The following TBXAS1 variants were observed in gnomAD, a reference collection of about 807,000 sequenced individuals.
The protein encoded by TBXAS1 is thromboxane-A synthase.
Under a neutral mutation model 60.7 loss-of-function variants are expected in TBXAS1, and 48 were observed. That is an observed-to-expected ratio of 0.79 (90% CI 0.63 to 1.01). TBXAS1 has a LOEUF of 1.01. TBXAS1 is among the 50% of genes least tolerant of loss of function. The pLI, the probability that TBXAS1 is intolerant of heterozygous loss-of-function variation, is 0.00. For missense variants in TBXAS1, 685 were observed against 686.3 expected (o/e 1.00, Z 0.02); for synonymous variants, 287 against 269.7 (o/e 1.06, Z -0.63).
chr7:139,876,900 G>T (rs1182534212), intron 3 of TBXAS1, among the ~76,000 whole-genome samples: 1 of 152,142 alleles, frequency 6.6e-6, no homozygotes, highest in African/African-American at 2.4e-5. Flanking sequence ...GTATCTGCTG[G>T]GGAGGACCTC....
intron 9 of TBXAS1, among the ~76,000 whole-genome samples, chr7:139,986,346 G>A (rs879328707): frequency 2.0e-5 from 3 of 152,142 alleles, no homozygotes; most frequent in Non-Finnish European, 4.4e-5. Flanking sequence ...AACTTGGGCA[G>A]TCTGACTCCC....
rs1251359184 is a variant in TBXAS1, at chr7:140,011,338, A to C, written c.1226+4156A>C. ...TCCCCTAAACAATGAAGAATAAAAA[A>C]AAAAGAAAAAAAAGGCCCCCTGCCA... On this transcript the variant is annotated intron_variant, in intron 10 of 12. Coordinates refer to ENST00000448866, the MANE Select transcript of TBXAS1 (RefSeq NM_001061.7). Among the ~76,000 whole-genome samples, 3 of 9,524 alleles carry C rather than the reference A, an allele frequency of 3.1e-4. No homozygotes were observed. In the Admixed American group the frequency reaches 4.4e-3, roughly 14 times the overall value. 6.2% of individuals were successfully genotyped at this position (9,524 alleles called of 152,430 possible).
At chr7:139,895,624 G>C (rs1014857444) in intron 3 of TBXAS1, among the ~76,000 whole-genome samples, 2 of 152,242 alleles carry the variant, frequency 1.3e-5, no homozygotes, top group Non-Finnish European at 2.9e-5. Flanking sequence ...CCACAGTCTC[G>C]GCTGCTGGAC....
intron 9 of TBXAS1, among the ~76,000 whole-genome samples, chr7:139,997,045 A>G (rs1813348835): frequency 6.6e-6 from 1 of 152,116 alleles, no homozygotes; most frequent in Non-Finnish European, 1.5e-5. Context: ...TGTTATCTTG[A>G]CTCATCAAAA....
At chr7:139,900,656 AGGAAAGTTT>A (rs1209505028) in intron 3 of TBXAS1, among the ~76,000 whole-genome samples, 1 of 152,206 alleles carries the variant, frequency 6.6e-6, no homozygotes, top group Non-Finnish European at 1.5e-5. Flanking sequence ...GAGCTGCAGG[AGGAAAGTTT>A]GGACTCTATA....
intron 1 of TBXAS1, among the ~76,000 whole-genome samples, chr7:139,867,156 G>A (rs1406597334): frequency 6.6e-6 from 1 of 152,220 alleles, no homozygotes; most frequent in Admixed American, 6.5e-5. Context: ...GGGTTACCTG[G>A]CACCGCTGGG....
At chr7:139,901,387 A>AT (rs1267318034) in intron 3 of TBXAS1, among the ~76,000 whole-genome samples, 1 of 150,678 alleles carries the variant, frequency 6.6e-6, no homozygotes, top group African/African-American at 2.5e-5. Context: ...GACAACTTTC[A>AT]TTTGAAAGTA....
chr7:139,921,281 A>C lies in TBXAS1; in HGVS notation c.333+9960A>C, dbSNP rs75723412. On this transcript the variant is annotated intron_variant, in intron 4 of 12. Transcript: ENST00000448866. ...AGAGGAAACCACTCCTCTGACATCA[A>C]TTTGTATAGATTTCTCTTTTCCTGC... is the stretch of plus-strand genomic sequence containing the variant. 4.4e-3 allele frequency among the ~76,000 whole-genome samples: 667 copies of C among 152,218 alleles called. 5 individuals are homozygous for C. Among genetic ancestry groups the C allele is most frequent in the African/African-American group, 0.015 (638 of 41,544 alleles).
chr7:139,906,346 A>G (rs1805081895), intron 3 of TBXAS1: 1 of 158,328 alleles, frequency 6.3e-6, no homozygotes. Flanking sequence ...GCGATCCACT[A>G]TGCCTGGCCT....
At chr7:139,990,940 G>GA (rs1217305867) in intron 9 of TBXAS1, among the ~76,000 whole-genome samples, 5 of 152,122 alleles carry the variant, frequency 3.3e-5, no homozygotes, top group Non-Finnish European at 7.3e-5. Flanking sequence ...CAGGCACGGG[G>GA]GCACAGAGGC....
intron 12 of TBXAS1, 63 bp from the exon 13 acceptor site, chr7:140,019,962 C>T: frequency 2.0e-6 from 3 of 1,531,604 alleles, no homozygotes; most frequent in Non-Finnish European, 2.7e-6. Flanking sequence ...ACCTCCAAGT[C>T]TTCATTTGTA....
At chr7:139,781,984 A>G (rs898282191) in intron 2 of TBXAS1, among the ~76,000 whole-genome samples, 1 of 151,398 alleles carries the variant, frequency 6.6e-6, no homozygotes, top group African/African-American at 2.4e-5. Flanking sequence ...TTATGGGTGG[A>G]GATAGTAGAA....
intron 10 of TBXAS1, among the ~76,000 whole-genome samples, chr7:140,014,680 C>A (rs1051873305): frequency 1.1e-4 from 16 of 151,668 alleles, no homozygotes; most frequent in African/African-American, 3.9e-4. Flanking sequence ...GAGGCCGAGG[C>A]AGGGGATCAC....
chr7:139,830,527 T>C (rs1477574843), intron 1 of TBXAS1, among the ~76,000 whole-genome samples: 1 of 123,644 alleles, frequency 8.1e-6, no homozygotes, highest in Non-Finnish European at 1.6e-5. Flanking sequence ...TTTTTCTTTT[T>C]AACTGGTTTA....
chr7:139,995,571 G>A (rs1399535297), intron 9 of TBXAS1, among the ~76,000 whole-genome samples: 1 of 152,158 alleles, frequency 6.6e-6, no homozygotes, highest in African/African-American at 2.4e-5. Context: ...CTGTTGATGA[G>A]GGACCTATGA....
chr7:139,881,460 C>A (rs911543717), intron 3 of TBXAS1, among the ~76,000 whole-genome samples: 9 of 152,046 alleles, frequency 5.9e-5, no homozygotes, highest in Admixed American at 2.6e-4. Context: ...CTTTTTCCCC[C>A]CCTCCAGGAG....
At chr7:139,899,848 C>T (rs1445556591) in intron 3 of TBXAS1, among the ~76,000 whole-genome samples, 3 of 152,116 alleles carry the variant, frequency 2.0e-5, no homozygotes, top group Admixed American at 2.0e-4. Flanking sequence ...ACAGGCCACC[C>T]GAGCTAAGAG....
chr7:139,785,550 T>A (rs1381914626), intron 3 of TBXAS1, among the ~76,000 whole-genome samples: 1 of 152,070 alleles, frequency 6.6e-6, no homozygotes, highest in East Asian at 1.9e-4. Flanking sequence ...CAGTACCTGA[T>A]TGAGCCTATC....
At chr7:139,874,030 A>G (rs1464393470) in intron 2 of TBXAS1, among the ~76,000 whole-genome samples, 22 of 151,660 alleles carry the variant, frequency 1.5e-4, no homozygotes, top group Admixed American at 1.5e-3. Context: ...CACCTTCTCA[A>G]TTATTTCTTT....
Sources: gnomAD v4.1 joint callset for allele counts (sites outside exome capture counted in the v4.1 genomes callset) on GRCh38, gnomAD v4.1.1 for gene constraint, MANE v1.5 for transcripts, NCBI Gene and HGNC (gene_info 2026-07-23, HGNC 2026-07-21) for gene names.